Variants in CSMD1 observed in about 807,000 individuals in gnomAD.
CSMD1 encodes CUB and Sushi multiple domains 1, also known as CUB and sushi domain-containing protein 1.
CSMD1 carries 213 observed loss-of-function variants against 417.5 expected under a neutral mutation model. The observed-to-expected ratio is 0.51, with a 90% confidence interval of 0.46 to 0.57. The LOEUF (loss-of-function observed/expected upper bound fraction) is 0.57. Ranked by LOEUF, CSMD1 falls within the 20% of genes least tolerant of loss-of-function variation. CSMD1 has a pLI of 0.00. For synonymous variants in CSMD1, 2,862 were observed against 1,736.8 expected (o/e 1.65, Z -16.11); for missense variants, 6,923 against 4,529.7 (o/e 1.53, Z -15.17).
intron 3 of CSMD1, among the ~76,000 whole-genome samples, chr8:4,351,127 C>T (rs913817633): frequency 5.9e-5 from 9 of 151,388 alleles, no homozygotes; most frequent in South Asian, 2.1e-4. Context: ...GAGACCAGTC[C>T]GGGCAACATA....
intron 21 of CSMD1, among the ~76,000 whole-genome samples, chr8:3,350,506 C>T (rs1808347284): frequency 1.3e-5 from 2 of 151,624 alleles, no homozygotes; most frequent in Admixed American, 6.6e-5. Flanking sequence ...AAGGGAATAG[C>T]ACTTTTAAAA....
intron 3 of CSMD1, among the ~76,000 whole-genome samples, chr8:4,370,510 A>G (rs1245247327): frequency 6.6e-6 from 1 of 152,244 alleles, no homozygotes; most frequent in African/African-American, 2.4e-5. Context: ...AAGGATTTCC[A>G]TGGACTATAT....
At chr8:4,191,147 A>G (rs1363033550) in intron 3 of CSMD1, among the ~76,000 whole-genome samples, 1 of 152,228 alleles carries the variant, frequency 6.6e-6, no homozygotes, top group Non-Finnish European at 1.5e-5. Flanking sequence ...CTGTAATCCC[A>G]GCACTTTGGG....
intron 10 of CSMD1, among the ~76,000 whole-genome samples, chr8:3,502,265 T>C (rs574299980): frequency 2.3e-4 from 35 of 149,478 alleles, no homozygotes; most frequent in African/African-American, 8.6e-4. Flanking sequence ...CTCGGGAGGC[T>C]GAGGCAGGAG....
chr8:4,375,483 T>C (rs916568923), intron 3 of CSMD1, among the ~76,000 whole-genome samples: 3 of 152,166 alleles, frequency 2.0e-5, no homozygotes, highest in Admixed American at 6.5e-5. Context: ...GTCCATCTTA[T>C]GGAGTCTCCT....
intron 2 of CSMD1, among the ~76,000 whole-genome samples, chr8:4,592,855 C>T (rs1001836640): frequency 3.3e-5 from 5 of 151,910 alleles, no homozygotes; most frequent in African/African-American, 1.2e-4. Context: ...AAATGAATTT[C>T]CATATTTATT....
At chr8:4,962,207 A>G (rs76794151) in intron 1 of CSMD1, among the ~76,000 whole-genome samples, 16 of 139,364 alleles carry the variant, frequency 1.1e-4, no homozygotes, top group African/African-American at 4.8e-4. Flanking sequence ...TAAAAAAAAA[A>G]GAAAAAAACA....
chr8:4,452,737 G>A (rs1799224782), intron 2 of CSMD1, among the ~76,000 whole-genome samples: 1 of 151,978 alleles, frequency 6.6e-6, no homozygotes, highest in Admixed American at 6.6e-5. Context: ...ACAGACACAG[G>A]TTATTCATCT....
intron 5 of CSMD1, among the ~76,000 whole-genome samples, chr8:3,985,817 C>G (rs971368920): frequency 6.6e-6 from 1 of 150,432 alleles, no homozygotes; most frequent in African/African-American, 2.5e-5. Flanking sequence ...CAGGGTGAGA[C>G]AGCATTCTTC....
intron 12 of CSMD1, among the ~76,000 whole-genome samples, chr8:3,455,006 TG>T (rs1816013414): frequency 6.6e-6 from 1 of 152,178 alleles, no homozygotes; most frequent in Non-Finnish European, 1.5e-5. Flanking sequence ...AGGCTTTGTT[TG>T]TTTCTTTTTA....
At chr8:3,964,272 G>T (rs1007256792) in intron 5 of CSMD1, among the ~76,000 whole-genome samples, 3 of 152,132 alleles carry the variant, frequency 2.0e-5, no homozygotes, top group African/African-American at 7.2e-5. Context: ...GGGGCTTAGA[G>T]CTCACAGGCT....
In CSMD1 at chr8:3,622,883, C is replaced by A. The variant is rs562771087; in HGVS notation, c.1010-6086G>T. ...GAGATGAAACCACTTCAAGAGGAAT[C>A]CTTAGTACCTCAGAGAAACATTTTC... On this transcript the variant is annotated intron_variant, in intron 7 of 69. Coordinates refer to ENST00000635120, the MANE Select transcript of CSMD1 (RefSeq NM_033225.6). Among the ~76,000 whole-genome samples, 12 of 152,266 alleles carry A rather than the reference C, an allele frequency of 7.9e-5. No individual in the cohort carries two copies. The South Asian group carries it at 1.9e-3, about 24-fold the overall frequency.
intron 12 of CSMD1, among the ~76,000 whole-genome samples, chr8:3,450,635 G>C (rs1310822249): frequency 6.6e-6 from 1 of 151,918 alleles, no homozygotes. Context: ...CCCTATAAAG[G>C]ACATGAACTC....
intron 11 of CSMD1, among the ~76,000 whole-genome samples, chr8:3,480,776 C>T (rs915710119): frequency 4.6e-5 from 7 of 152,090 alleles, no homozygotes; most frequent in African/African-American, 1.4e-4. Flanking sequence ...CTGACAACCA[C>T]AAATTCTATA....
chr8:3,862,677 G>A (rs116050479), intron 5 of CSMD1, among the ~76,000 whole-genome samples: 6 of 152,158 alleles, frequency 3.9e-5, no homozygotes, highest in South Asian at 2.1e-4. Flanking sequence ...TGCATTCAAC[G>A]TGCTTTTCTA....
chr8:4,424,431 G>T (rs946745305), intron 2 of CSMD1, among the ~76,000 whole-genome samples: 1 of 151,834 alleles, frequency 6.6e-6, no homozygotes, highest in Non-Finnish European at 1.5e-5. Context: ...ATAAGCCCAC[G>T]AATATTTACT....
chr8:3,588,092 T>C (rs1165548971), intron 8 of CSMD1, among the ~76,000 whole-genome samples: 1 of 150,378 alleles, frequency 6.6e-6, no homozygotes, highest in African/African-American at 2.5e-5. Context: ...TTTTAAAAAA[T>C]TGTTATATCT....
intron 1 of CSMD1, among the ~76,000 whole-genome samples, chr8:4,842,008 G>GGAAAA (rs1800872475): frequency 6.8e-6 from 1 of 147,406 alleles, no homozygotes; most frequent in Admixed American, 6.8e-5. Context: ...GGAAACCCTA[G>GGAAAA]AAAAAAGCAA....
At position 3,343,322 on chromosome 8, in the gene CSMD1, G is replaced by T. The variant is rs769678624; in HGVS notation, c.3603C>A (p.Thr1201=). 6.2e-7 allele frequency: 1 copy of T among 1,613,460 alleles called. No homozygotes were observed. Among genetic ancestry groups the T allele is most frequent in the South Asian group, 1.1e-5 (1 of 91,066 alleles). Reference sequence around the variant, plus strand: ...TATAGGTGAGTTGAAAACCTTGGTCGGTGTCAGATCCATTGGTGTTGAACT... The same window carrying T: ...TATAGGTGAGTTGAAAACCTTGGTCTGTGTCAGATCCATTGGTGTTGAACT... ...WLEFNTNGSD[T]DQGFQLTYTS... Residue 1201 remains threonine, a synonymous_variant, in exon 23 of 70, where the codon ACC becomes ACA. Transcript: ENST00000635120.
Sources: allele counts gnomAD v4.1 joint callset (sites outside exome capture counted in the v4.1 genomes callset), GRCh38; gene constraint gnomAD v4.1.1; transcripts MANE v1.5; gene names NCBI Gene and HGNC (gene_info 2026-07-23, HGNC 2026-07-21).